ANGPT4: variants seen among roughly 807,000 people sequenced by gnomAD.
The protein encoded by ANGPT4 is angiopoietin 4.
ANGPT4 carries 50 observed loss-of-function variants against 53.0 expected under a neutral mutation model. The observed-to-expected ratio is 0.94, with a 90% CI of 0.75 to 1.20. ANGPT4 has a LOEUF of 1.20. Ranked by LOEUF, ANGPT4 falls within the 50% of genes most tolerant of loss-of-function variation. ANGPT4 has a pLI of 0.00. For synonymous variants in ANGPT4, 251 were observed against 259.7 expected, an observed-to-expected ratio of 0.97 and a Z score of 0.32; for missense variants, 648 against 637.1, an observed-to-expected ratio of 1.02 and a Z score of -0.18.
chr20:875,813 A>C (rs745377776), intron 7 of ANGPT4, among the ~76,000 whole-genome samples: 1 of 151,936 alleles, frequency 6.6e-6, no homozygotes, highest in Non-Finnish European at 1.5e-5. Context: ...TGAAGTAGGG[A>C]GCCAATTTGG....
intron 4 of ANGPT4, 65 bp downstream of exon 4, chr20:885,013 G>T: frequency 6.3e-7 from 1 of 1,591,934 alleles, no homozygotes; most frequent in Non-Finnish European, 8.5e-7. Flanking sequence ...TGGAGGGTGA[G>T]CAGGGTCTCC....
In ANGPT4 at chr20:873,216, C is replaced by T. The variant is rs548605968; in HGVS notation, c.1352-96G>A. 6.0e-5 allele frequency: 59 copies of T among 990,880 alleles called. No homozygotes were observed. The East Asian group carries it at 2.3e-3, about 38-fold the overall frequency. The allele number at this position is 990,880 out of a possible 1,614,324, so 61.4% of individuals were successfully genotyped here. A position where few individuals can be genotyped will look rare whatever the true frequency, so the allele number is the denominator to read the frequency against. The stretch of plus-strand genomic sequence containing the variant: ...TGTCCCAAAGAGAACAAAGACTAAT[C>T]GGGGCTGTTGCCTCCTCTGGGAAGC... On this transcript the variant is annotated intron_variant, in intron 8 of 8. Transcript: ENST00000381922.
chr20:892,273 A>G (rs941170681), intron 1 of ANGPT4, among the ~76,000 whole-genome samples: 1 of 152,168 alleles, frequency 6.6e-6, no homozygotes, highest in Non-Finnish European at 1.5e-5. Flanking sequence ...AACGTTAATA[A>G]TAAAATGATG....
At position 886,685 on chromosome 20, in the gene ANGPT4, A is replaced by C. The variant is rs75811465; in HGVS notation, c.588-1360T>G. On this transcript the variant is annotated intron_variant, in intron 3 of 8. Coordinates refer to ENST00000381922, the MANE Select transcript of ANGPT4 (RefSeq NM_015985.4). Reference sequence around the variant, plus strand: ...GGCACGATCATCTAGCACAAAACCTATTTTATAACAAAATGTTGAGTAGCT... The same window carrying C: ...GGCACGATCATCTAGCACAAAACCTCTTTTATAACAAAATGTTGAGTAGCT... Among the ~76,000 whole-genome samples the C allele has an allele frequency of 6.3e-3, 955 of 152,328 alleles. 12 individuals are homozygous for C. Among genetic ancestry groups the C allele is most frequent in the African/African-American group, 0.022 (912 of 41,578 alleles).
At chr20:878,350 T>C in intron 6 of ANGPT4, 23 bp from the exon 7 acceptor site, 3 of 1,581,912 alleles carry the variant, frequency 1.9e-6, no homozygotes, top group Non-Finnish European at 2.6e-6. Context: ...GAGCGTGGGG[T>C]GAGACTCATG....
At chr20:898,565 G>T (rs1032054517) in intron 1 of ANGPT4, among the ~76,000 whole-genome samples, 6 of 152,116 alleles carry the variant, frequency 3.9e-5, no homozygotes, top group East Asian at 1.9e-4. Context: ...TACCCAATCT[G>T]CTCCCAACAT....
intron 1 of ANGPT4, among the ~76,000 whole-genome samples, chr20:896,230 T>G (rs1225077245): frequency 1.3e-5 from 2 of 152,238 alleles, no homozygotes; most frequent in African/African-American, 2.4e-5. Flanking sequence ...GTATTAGGTA[T>G]TAGATAATCA....
At position 871,171 on chromosome 20, in the gene ANGPT4, C is replaced by G. The variant is rs968330367; in HGVS notation, c.*1789G>C. 6.6e-6 allele frequency: 1 copy of G among 152,276 alleles called. No individual in the cohort carries two copies. The highest frequency in any genetic ancestry group is 1.5e-5 in the Non-Finnish European group (1 of 68,074). The allele number at this position is 152,276 out of a possible 1,614,324, so 9.4% of individuals were successfully genotyped here. The stretch of plus-strand genomic sequence containing the variant: ...CAATCTGCCCCTAAAGATTTCCCAT[C>G]ATGCCTGAAATGCCACCATTAGCAA... On this transcript the variant is annotated 3_prime_UTR_variant, in exon 9 of 9. Coordinates refer to ENST00000381922, the MANE Select transcript of ANGPT4 (RefSeq NM_015985.4).
At chr20:882,865 A>G (rs16994527) in intron 4 of ANGPT4, among the ~76,000 whole-genome samples, 14,782 of 152,298 alleles carry the variant, frequency 0.097, 1,110 homozygotes, top group East Asian at 0.43. Context: ...AGTGTTTCCA[A>G]GGTGTCATGT....
intron 1 of ANGPT4, among the ~76,000 whole-genome samples, chr20:900,107 C>G (rs1409057276): frequency 6.6e-6 from 1 of 152,204 alleles, no homozygotes; most frequent in Non-Finnish European, 1.5e-5. Context: ...GGGTTACAAG[C>G]CACCAGCCCA....
Position 885,091 on chromosome 20 carries a change from G to T in ANGPT4, c.822C>A (p.Asn274Lys), listed in dbSNP as rs143483356. ...CCGCTCACTCACCCGGGGCCGAGGCGTTAGCCCTTTCTTGCACCAGGTGCC... is the reference window on the plus strand; with the variant it reads ...CCGCTCACTCACCCGGGGCCGAGGCTTTAGCCCTTTCTTGCACCAGGTGCC... ...LLRHLVQERA[N>K]ASAPAFIMAG... Residue 274 changes from asparagine to lysine, a missense_variant, in exon 4 of 9, where the codon AAC becomes AAA. Coordinates refer to ENST00000381922, the MANE Select transcript of ANGPT4 (RefSeq NM_015985.4). 1 of 1,613,686 alleles carries T rather than the reference G, an allele frequency of 6.2e-7. No homozygotes were observed. Among genetic ancestry groups the T allele is most frequent in the Non-Finnish European group, 8.5e-7 (1 of 1,179,914 alleles).
intron 8 of ANGPT4, among the ~76,000 whole-genome samples, chr20:874,051 G>A (rs533357144): frequency 3.9e-5 from 6 of 152,284 alleles, no homozygotes; most frequent in Middle Eastern, 3.4e-3. Flanking sequence ...TGTCTCTGAG[G>A]AAAACTGGTG....
intron 1 of ANGPT4, among the ~76,000 whole-genome samples, chr20:907,284 C>A (rs1982510196): frequency 6.6e-6 from 1 of 152,042 alleles, no homozygotes; most frequent in Admixed American, 6.6e-5. Flanking sequence ...GTGGCAGGTC[C>A]AGTGTTCATC....
rs1221705213 is a variant in ANGPT4 at position 908,350 on chromosome 20, C to T, written c.309+7556G>A. On this transcript the variant is annotated intron_variant, in intron 1 of 8. Coordinates refer to ENST00000381922, the MANE Select transcript of ANGPT4 (RefSeq NM_015985.4). The surrounding 1 kb of genome is among the most constrained non-coding windows in gnomAD (Gnocchi z 4.9). ...GAATGCCTTTTGCTTTTGGCCCATT[C>T]TACCCCCAGGGCCTTTGCACTTGCT... Among the ~76,000 whole-genome samples, 1 of 152,190 alleles carries T rather than the reference C, an allele frequency of 6.6e-6. No homozygotes were observed. The highest frequency in any genetic ancestry group is 1.5e-5 in the Non-Finnish European group (1 of 68,044).
intron 1 of ANGPT4, among the ~76,000 whole-genome samples, chr20:900,706 G>T (rs1982251877): frequency 6.6e-6 from 1 of 152,138 alleles, no homozygotes; most frequent in Non-Finnish European, 1.5e-5. Flanking sequence ...ATTTCCAAAT[G>T]AAGAAGGTTG....
At chr20:889,596 A>G (rs1398431759) in intron 2 of ANGPT4, among the ~76,000 whole-genome samples, 1 of 152,180 alleles carries the variant, frequency 6.6e-6, no homozygotes, top group Admixed American at 6.5e-5. Context: ...AGCAGTGCAT[A>G]ACCATATATG....
chr20:886,841 T>C (rs1274968409), intron 3 of ANGPT4, among the ~76,000 whole-genome samples: 1 of 152,208 alleles, frequency 6.6e-6, no homozygotes, highest in African/African-American at 2.4e-5. Flanking sequence ...GCCCAACCAT[T>C]GTAAGTTAGC....
At position 888,455 on chromosome 20, in the gene ANGPT4, G is replaced by C. The variant is rs768128053; in HGVS notation, c.466-16C>G. 47 of 1,607,602 alleles carry C rather than the reference G, an allele frequency of 2.9e-5. No homozygotes were observed. Among genetic ancestry groups the C allele is most frequent in the Non-Finnish European group, 3.9e-5 (46 of 1,178,684 alleles). ...GGTTCAGGAGCTGCCCCAGCAAGCA[G>C]AAGCAGGTAGGGGGCTGCGTAAGCG... On this transcript the variant is annotated splice_polypyrimidine_tract_variant and intron_variant, in intron 2 of 8. Coordinates refer to ENST00000381922, the MANE Select transcript of ANGPT4 (RefSeq NM_015985.4).
intron 6 of ANGPT4, 82 bp from the exon 7 acceptor site, chr20:878,409 T>A: frequency 7.2e-7 from 1 of 1,391,802 alleles, no homozygotes; most frequent in Non-Finnish European, 9.8e-7. Context: ...TGGGCCAGGC[T>A]CCAGGGCTAC....
Sources: gnomAD v4.1 joint callset for allele counts (sites outside exome capture counted in the v4.1 genomes callset) on GRCh38, gnomAD v4.1.1 for gene constraint, Gnocchi (gnomAD v3.1) non-coding constraint, MANE v1.5 for transcripts, NCBI Gene and HGNC (gene_info 2026-07-23, HGNC 2026-07-21) for gene names.